Variants in CSMD1 observed in about 807,000 individuals in gnomAD.
CSMD1 encodes CUB and sushi domain-containing protein 1.
Under a neutral mutation model 417.5 loss-of-function variants are expected in CSMD1, and 213 were observed. The observed-to-expected ratio is 0.51, with a 90% CI of 0.46 to 0.57. The LOEUF (loss-of-function observed/expected upper bound fraction) is 0.57, where lower values mean the gene tolerates loss of function less well. Among genes scored for constraint, CSMD1 ranks in the 20% least tolerant of loss-of-function variants. CSMD1 has a pLI of 0.00. For synonymous variants in CSMD1, 2,862 were observed against 1,736.8 expected (o/e 1.65, Z -16.11); for missense variants, 6,923 against 4,529.7 (o/e 1.53, Z -15.17).
intron 27 of CSMD1, among the ~76,000 whole-genome samples, chr8:3,226,788 A>G (rs529202022): frequency 6.6e-6 from 1 of 152,136 alleles, no homozygotes; most frequent in Non-Finnish European, 1.5e-5. Context: ...GTTGTCACAC[A>G]CAACAGGTGA....
At chr8:3,499,551 T>C (rs954221703) in intron 10 of CSMD1, among the ~76,000 whole-genome samples, 5 of 152,034 alleles carry the variant, frequency 3.3e-5, no homozygotes, top group Non-Finnish European at 7.4e-5. Flanking sequence ...CAGTCCTTGG[T>C]CTCCTGCAAG....
chr8:3,023,181 C>A (rs1809584207), intron 51 of CSMD1, among the ~76,000 whole-genome samples: 1 of 152,196 alleles, frequency 6.6e-6, no homozygotes, highest in Non-Finnish European at 1.5e-5. Flanking sequence ...CAATCCAGGC[C>A]TGCCTCCAGT....
intron 36 of CSMD1, among the ~76,000 whole-genome samples, chr8:3,182,704 T>C (rs1429983706): frequency 2.3e-5 from 3 of 128,338 alleles, no homozygotes; most frequent in African/African-American, 8.5e-5. Context: ...TATGTGTGTG[T>C]ATTGTTAGTA....
chr8:2,940,316 A>T (rs1303791190), intron 69 of CSMD1, among the ~76,000 whole-genome samples: 1 of 152,124 alleles, frequency 6.6e-6, no homozygotes, highest in East Asian at 1.9e-4. Context: ...GACCCAATGG[A>T]TTGAGAAGTC....
At chr8:4,286,282 G>C (rs1021164291) in intron 3 of CSMD1, among the ~76,000 whole-genome samples, 4 of 152,024 alleles carry the variant, frequency 2.6e-5, no homozygotes, top group South Asian at 2.1e-4. Context: ...CTTCTACTTA[G>C]TGCTATCTGT....
chr8:4,327,728 G>T (rs895602414), intron 3 of CSMD1, among the ~76,000 whole-genome samples: 5 of 152,138 alleles, frequency 3.3e-5, no homozygotes, highest in African/African-American at 1.2e-4. Context: ...AATAACAAGA[G>T]ACCTACTGTC....
intron 1 of CSMD1, among the ~76,000 whole-genome samples, chr8:4,682,212 T>C (rs927852898): frequency 6.6e-6 from 1 of 152,084 alleles, no homozygotes; most frequent in African/African-American, 2.4e-5. Flanking sequence ...ATTGTTTTTG[T>C]AGAGATGGGA....
At chr8:3,182,993 C>A (rs1286684511) in intron 36 of CSMD1, 1 of 144,572 alleles carries the variant, frequency 6.9e-6, no homozygotes, top group Non-Finnish European at 1.5e-5. Context: ...CAACTGACCT[C>A]GTGATCCGCC....
chr8:4,823,361 C>T (rs576404016), intron 1 of CSMD1, among the ~76,000 whole-genome samples: 1 of 152,130 alleles, frequency 6.6e-6, no homozygotes, highest in East Asian at 1.9e-4. Context: ...CAATTACACT[C>T]TACAAGTATG....
At chr8:4,054,597 G>A (rs567150744) in intron 3 of CSMD1, among the ~76,000 whole-genome samples, 21 of 152,200 alleles carry the variant, frequency 1.4e-4, no homozygotes, top group African/African-American at 5.1e-4. Flanking sequence ...TAATTGTGGA[G>A]GTGTATTTAG....
At chr8:3,583,373 C>A (rs548936986) in intron 9 of CSMD1, among the ~76,000 whole-genome samples, 2 of 151,912 alleles carry the variant, frequency 1.3e-5, no homozygotes, top group Non-Finnish European at 2.9e-5. Flanking sequence ...GCCTCAGGTG[C>A]CTCGAATAGA....
chr8:4,046,436 G>C (rs1000495734), intron 3 of CSMD1, among the ~76,000 whole-genome samples: 2 of 152,108 alleles, frequency 1.3e-5, no homozygotes, highest in South Asian at 2.1e-4. Context: ...TGTGCTTTCT[G>C]TTACTGAATT....
At chr8:4,837,958 T>C (rs1489176756) in intron 1 of CSMD1, among the ~76,000 whole-genome samples, 1 of 152,136 alleles carries the variant, frequency 6.6e-6, no homozygotes. Context: ...CAATGCTCAC[T>C]GAGGCATTGC....
intron 2 of CSMD1, among the ~76,000 whole-genome samples, chr8:4,601,622 C>G: frequency 6.6e-6 from 1 of 152,150 alleles, no homozygotes; most frequent in East Asian, 1.9e-4. Flanking sequence ...TCAACATTTA[C>G]AGATTACAAA....
At chr8:3,265,457 T>A (rs560536511) in intron 26 of CSMD1, among the ~76,000 whole-genome samples, 7 of 152,310 alleles carry the variant, frequency 4.6e-5, no homozygotes, top group African/African-American at 1.7e-4. Context: ...TCAGAGACGT[T>A]TCCTAAACAG....
chr8:4,250,053 G>C (rs992622951), intron 3 of CSMD1, among the ~76,000 whole-genome samples: 3 of 152,092 alleles, frequency 2.0e-5, no homozygotes, highest in Non-Finnish European at 2.9e-5. Context: ...CCAATAAAGA[G>C]GGCTCTCAGA....
intron 26 of CSMD1, among the ~76,000 whole-genome samples, chr8:3,269,273 G>A (rs1475725497): frequency 6.6e-6 from 1 of 152,310 alleles, no homozygotes; most frequent in African/African-American, 2.4e-5. Flanking sequence ...AAAAATGTGC[G>A]GCCAGTTCTC....
At chr8:4,630,060 G>A (rs1171272713) in intron 2 of CSMD1, among the ~76,000 whole-genome samples, 2 of 152,030 alleles carry the variant, frequency 1.3e-5, no homozygotes, top group Non-Finnish European at 2.9e-5. Flanking sequence ...CCAAGATATG[G>A]AAGTGAACCA....
At chr8:4,291,074 C>G (rs536454674) in intron 3 of CSMD1, among the ~76,000 whole-genome samples, 19 of 152,150 alleles carry the variant, frequency 1.2e-4, no homozygotes, top group Admixed American at 8.5e-4. Context: ...AATGGAATTT[C>G]CTGTTTTATT....
Sources: gnomAD v4.1 joint callset for allele counts (sites outside exome capture counted in the v4.1 genomes callset) on GRCh38, gnomAD v4.1.1 for gene constraint, MANE v1.5 for transcripts, NCBI Gene and HGNC (gene_info 2026-07-23, HGNC 2026-07-21) for gene names.